MCUB: variants seen among roughly 807,000 people sequenced by gnomAD.
MCUB encodes the protein mitochondrial calcium uniporter dominant negative subunit beta, also known as calcium uniporter regulatory subunit MCUb, mitochondrial.
Under a neutral mutation model 41.4 loss-of-function variants are expected in MCUB, and 46 were observed. That is an observed-to-expected ratio of 1.11 (90% confidence interval 0.88 to 1.42). The LOEUF is 1.42. Among genes scored for constraint, MCUB ranks in the 40% most tolerant of loss-of-function variants. The pLI is 0.00. For synonymous variants in MCUB, 148 were observed against 148.2 expected, an observed-to-expected ratio of 1.00 and a Z score of 0.01; for missense variants, 403 against 404.9, an observed-to-expected ratio of 1.00 and a Z score of 0.04.
rs2126154115 is a variant in MCUB at position 109,687,628 on chromosome 4, T to C, written c.*36T>C. The C allele has an allele frequency of 2.8e-6, 4 of 1,414,088 alleles. No homozygotes were observed. The highest frequency in any genetic ancestry group is 4.0e-6 in the Non-Finnish European group (4 of 1,006,794). The allele number at this position is 1,414,088 out of a possible 1,614,324, so 87.6% of individuals were successfully genotyped here. A position where few individuals can be genotyped will look rare whatever the true frequency, so the allele number is the denominator to read the frequency against. ...TTAAATGTCGTCAGATTTTCCATTA[T>C]GTATTGATTTTGCAACTTAGGATGT... On this transcript the variant is annotated 3_prime_UTR_variant, in exon 8 of 8. Transcript: ENST00000394650.
At chr4:109,671,187 C>G (rs1391780703) in intron 4 of MCUB, among the ~76,000 whole-genome samples, 4 of 152,140 alleles carry the variant, frequency 2.6e-5, no homozygotes, top group Non-Finnish European at 5.9e-5. Context: ...TTTTTTATGT[C>G]AGACAGGAAA....
chr4:109,632,816 T>C (rs1468014918), intron 1 of MCUB, among the ~76,000 whole-genome samples: 2 of 152,156 alleles, frequency 1.3e-5, no homozygotes, highest in Admixed American at 6.5e-5. Flanking sequence ...GGTTTCGCCA[T>C]GTTGGCCAGG....
chr4:109,623,267 A>C (rs1728292264), intron 1 of MCUB, among the ~76,000 whole-genome samples: 1 of 152,200 alleles, frequency 6.6e-6, no homozygotes, highest in Non-Finnish European at 1.5e-5. Context: ...TGTCATGTGG[A>C]TGTAAGACCA....
At chr4:109,589,933 A>G (rs1727391546) in intron 1 of MCUB, among the ~76,000 whole-genome samples, 3 of 152,226 alleles carry the variant, frequency 2.0e-5, no homozygotes, top group African/African-American at 7.2e-5. Flanking sequence ...TAAGAATGCT[A>G]GGAACATCTT....
chr4:109,648,694 ATTTTTTT>A (rs34522361), intron 1 of MCUB: 1 of 239,120 alleles, frequency 4.2e-6, no homozygotes, highest in East Asian at 1.3e-4. Flanking sequence ...TAGCAGTTTG[ATTTTTTT>A]TTTTTTTTTT....
chr4:109,677,469 G>A (rs997528427), intron 4 of MCUB, among the ~76,000 whole-genome samples: 5 of 152,144 alleles, frequency 3.3e-5, no homozygotes, highest in Admixed American at 3.3e-4. Flanking sequence ...TGAGGGGCCG[G>A]GGCAGAATGC....
rs753270535 is a variant in MCUB, at chr4:109,684,609, C to T, written c.779C>T (p.Ser260Phe). 6.4e-5 allele frequency: 101 copies of T among 1,585,018 alleles called. No individual in the cohort carries two copies. The highest frequency in any genetic ancestry group is 8.5e-5 in the Non-Finnish European group (98 of 1,153,910). Residue 260 changes from serine to phenylalanine, a missense_variant, in exon 6 of 8, where the codon TCT becomes TTT. Ser to Phe is a radical substitution (Grantham distance 155, BLOSUM62 -2). Transcript: ENST00000394650. ...ACATACTTCATCACATTTGCAAATT[C>T]TATGGTCTTTTTTGCATACTTTATA... ...PVTYFITFAN[S>F]MVFFAYFIVT...
At chr4:109,680,621 A>G (rs1405448398) in intron 4 of MCUB, among the ~76,000 whole-genome samples, 1 of 152,170 alleles carries the variant, frequency 6.6e-6, no homozygotes, top group African/African-American at 2.4e-5. Flanking sequence ...AAAAGAGAAC[A>G]CCTAGCTTTC....
At chr4:109,568,716 A>G (rs1376787862) in intron 1 of MCUB, among the ~76,000 whole-genome samples, 1 of 152,176 alleles carries the variant, frequency 6.6e-6, no homozygotes, top group Non-Finnish European at 1.5e-5. Flanking sequence ...ACCATACATT[A>G]TAGTTAGTTG....
chr4:109,619,893 C>G (rs1426485759), intron 1 of MCUB, among the ~76,000 whole-genome samples: 3 of 152,158 alleles, frequency 2.0e-5, no homozygotes, highest in East Asian at 3.9e-4. Flanking sequence ...GAAGTAGGTA[C>G]TGTTATCCCC....
At chr4:109,598,560 C>G (rs1279662449) in intron 1 of MCUB, among the ~76,000 whole-genome samples, 2 of 152,054 alleles carry the variant, frequency 1.3e-5, no homozygotes, top group Non-Finnish European at 2.9e-5. Flanking sequence ...AGTCCAGCTT[C>G]GGCTGGGCAT....
intron 1 of MCUB, among the ~76,000 whole-genome samples, chr4:109,624,053 A>G (rs774142688): frequency 7.2e-5 from 11 of 152,004 alleles, no homozygotes; most frequent in Non-Finnish European, 5.9e-5. Flanking sequence ...AGATTTTACT[A>G]TGTTGCCCAG....
chr4:109,566,913 C>T (rs1361652161), intron 1 of MCUB, among the ~76,000 whole-genome samples: 1 of 152,138 alleles, frequency 6.6e-6, no homozygotes. Context: ...ATATTTAAGA[C>T]CAGCCTGACC....
chr4:109,568,232 G>A (rs1425862727), intron 1 of MCUB, among the ~76,000 whole-genome samples: 7 of 152,110 alleles, frequency 4.6e-5, no homozygotes, highest in Non-Finnish European at 2.9e-5. Flanking sequence ...ATAATAAACC[G>A]GTTTTCACTT....
intron 1 of MCUB, among the ~76,000 whole-genome samples, chr4:109,621,135 G>A (rs1479098151): frequency 2.0e-5 from 3 of 152,030 alleles, no homozygotes; most frequent in Admixed American, 6.6e-5. Context: ...TCCTGACCTC[G>A]TGATCCACCT....
chr4:109,667,010 T>C (rs1423753877), intron 4 of MCUB, among the ~76,000 whole-genome samples: 22 of 152,210 alleles, frequency 1.4e-4, no homozygotes, highest in Non-Finnish European at 1.5e-5. Flanking sequence ...TGAGGATTTT[T>C]GTGTCTATAT....
chr4:109,598,570 T>G (rs972455825), intron 1 of MCUB, among the ~76,000 whole-genome samples: 1 of 151,638 alleles, frequency 6.6e-6, no homozygotes, highest in Non-Finnish European at 1.5e-5. Context: ...CGGCTGGGCA[T>G]GAGAGGGAGA....
At chr4:109,567,616 T>C (rs1365316359) in intron 1 of MCUB, among the ~76,000 whole-genome samples, 1 of 150,850 alleles carries the variant, frequency 6.6e-6, no homozygotes, top group African/African-American at 2.4e-5. Context: ...GGTTTCACCA[T>C]GTTGACCAAG....
Position 109,670,719 on chromosome 4 carries a change from CA to C in MCUB, c.451+6337del, listed in dbSNP as rs201042577. Among the ~76,000 whole-genome samples the C allele has an allele frequency of 4.3e-3, 535 of 124,762 alleles. 2 individuals are homozygous for C. Among genetic ancestry groups the C allele is most frequent in the African/African-American group, 9.1e-3 (316 of 34,780 alleles). The allele number at this position is 124,762 out of a possible 152,430, so 81.8% of individuals were successfully genotyped here. A position where few individuals can be genotyped will look rare whatever the true frequency, so the allele number is the denominator to read the frequency against. On this transcript the variant is annotated intron_variant, in intron 4 of 7. Transcript: ENST00000394650. Reference sequence around the variant, plus strand: ...CAACAGAGCGAGGAGACTCTGTCTCCAAAAAAAAAAAAGAAAAAGAAAAAGA... The same window carrying C: ...CAACAGAGCGAGGAGACTCTGTCTCCAAAAAAAAAAAGAAAAAGAAAAAGA...
Sources: allele counts gnomAD v4.1 joint callset (sites outside exome capture counted in the v4.1 genomes callset), GRCh38; gene constraint gnomAD v4.1.1; transcripts MANE v1.5; gene names NCBI Gene and HGNC (gene_info 2026-07-23, HGNC 2026-07-21).